Variants in FKBP5 observed in about 807,000 individuals in gnomAD.
FKBP5 encodes peptidyl-prolyl cis-trans isomerase FKBP5.
In FKBP5, 23 loss-of-function variants were observed where a neutral mutation model predicts 50.5. The ratio of observed to expected loss-of-function variants is 0.46; its 90% CI spans 0.33 to 0.65. FKBP5 has a LOEUF of 0.65. FKBP5 is among the 30% of genes least tolerant of loss of function. FKBP5 has a pLI of 0.02. For synonymous variants in FKBP5, 176 were observed against 190.6 expected (o/e 0.92, Z 0.63); for missense variants, 411 against 553.1 (o/e 0.74, Z 2.58).
chr6:35,718,937 T>G (rs965633221), intron 2 of FKBP5, among the ~76,000 whole-genome samples: 1 of 152,214 alleles, frequency 6.6e-6, no homozygotes, highest in Non-Finnish European at 1.5e-5. Context: ...CTTGCAGCCT[T>G]GGCCTTGCTG....
At chr6:35,691,580 T>A (rs1379298913), upstream of FKBP5, among the ~76,000 whole-genome samples, 1 of 151,932 alleles carries the variant, frequency 6.6e-6, no homozygotes, top group African/African-American at 2.4e-5. Flanking sequence ...ACACGGTTCT[T>A]TTTTTTTCTA....
At chr6:35,623,736 A>G (rs965268030) in intron 3 of FKBP5, among the ~76,000 whole-genome samples, 1 of 150,374 alleles carries the variant, frequency 6.7e-6, no homozygotes, top group Admixed American at 6.6e-5. Context: ...CATTGGGCTA[A>G]TTTTCTTTTC....
intron 1 of FKBP5, among the ~76,000 whole-genome samples, chr6:35,672,100 C>T (rs773076263): frequency 1.8e-4 from 28 of 152,154 alleles, no homozygotes; most frequent in Non-Finnish European, 3.2e-4. Flanking sequence ...GATCTCCTGA[C>T]CTCATGATCC....
chr6:35,683,817 C>T (rs1431773560), intron 1 of FKBP5, among the ~76,000 whole-genome samples: 10 of 151,600 alleles, frequency 6.6e-5, no homozygotes, highest in East Asian at 1.9e-4. Context: ...TTTGGGAGGT[C>T]GAGGCAGGCG....
At chr6:35,591,098 C>T (rs1762807570) in intron 7 of FKBP5, 32 bp downstream of exon 7, 2 of 1,416,142 alleles carry the variant, frequency 1.4e-6, no homozygotes, top group African/African-American at 1.4e-5. Context: ...AAGAAACCTA[C>T]CATAATTTTA....
chr6:35,637,799 T>C (rs1159201830), intron 2 of FKBP5, among the ~76,000 whole-genome samples: 1 of 152,174 alleles, frequency 6.6e-6, no homozygotes, highest in Non-Finnish European at 1.5e-5. Flanking sequence ...CTAGTCCATA[T>C]ACACACGGAC....
chr6:35,648,765 A>G (rs745526670), intron 1 of FKBP5, among the ~76,000 whole-genome samples: 3 of 152,088 alleles, frequency 2.0e-5, no homozygotes, highest in Non-Finnish European at 2.9e-5. Flanking sequence ...CCTGGCTAAT[A>G]TGGAAAAACC....
intron 8 of FKBP5, chr6:35,581,299 T>C (rs539217881): frequency 1.8e-4 from 76 of 426,380 alleles, no homozygotes; most frequent in African/African-American, 1.1e-3. Flanking sequence ...TATATATATA[T>C]ACATGCTCAT....
chr6:35,682,166 C>G (rs1321993300), intron 1 of FKBP5, among the ~76,000 whole-genome samples: 1 of 151,086 alleles, frequency 6.6e-6, no homozygotes, highest in Non-Finnish European at 1.5e-5. Context: ...AATTTTTATG[C>G]TAGCAACAAA....
chr6:35,691,731 A>G, upstream of FKBP5, among the ~76,000 whole-genome samples: 1 of 152,144 alleles, frequency 6.6e-6, no homozygotes, highest in Admixed American at 6.5e-5. Flanking sequence ...CATTTTCCCT[A>G]AACATTACTG....
intron 3 of FKBP5, among the ~76,000 whole-genome samples, chr6:35,633,783 C>T (rs1030017166): frequency 1.3e-5 from 2 of 152,046 alleles, no homozygotes; most frequent in African/African-American, 4.8e-5. Flanking sequence ...AGAATGGAAT[C>T]ACATAAGCTC....
Position 35,577,253 on chromosome 6 carries a change from A to G in FKBP5, c.1027-20T>C. 6.5e-7 allele frequency: 1 copy of G among 1,530,410 alleles called. No individual in the cohort carries two copies. The highest frequency in any genetic ancestry group is 8.8e-7 in the Non-Finnish European group (1 of 1,139,184). The allele number at this position is 1,530,410 out of a possible 1,614,324, so 94.8% of individuals were successfully genotyped here. On this transcript the variant is annotated intron_variant, in intron 9 of 10. Transcript: ENST00000357266. ...AAGGGCCTAGGAATAGATGGTCTAT[A>G]TTTTAGAAAGGACGAATTTTAATAA...
chr6:35,642,725 A>G lies in FKBP5; in HGVS notation c.100T>C (p.Leu34=). The G allele has an allele frequency of 6.2e-7, 1 of 1,613,198 alleles. No homozygotes were observed. The highest frequency in any genetic ancestry group is 1.1e-5 in the South Asian group (1 of 91,024). Residue 34 remains leucine (L), a synonymous_variant, in exon 2 of 11, where the codon TTA becomes CTA. Coordinates refer to ENST00000357266, the MANE Select transcript of FKBP5 (RefSeq NM_004117.4). ...ACTCAGCTTTGTGGCCTCACCTTTA[A>G]TACTCCCCTGTCTTTTTTGGAGGTA... ...DITSKKDRGV[L]KIVKRVGNGE... is the part of the protein sequence containing the mutation.
chr6:35,576,274 C>CA (rs1261092609), intron 10 of FKBP5, among the ~76,000 whole-genome samples: 1 of 152,034 alleles, frequency 6.6e-6, no homozygotes, highest in East Asian at 1.9e-4. Flanking sequence ...TGCCGACCCT[C>CA]AAGATAACAG....
At chr6:35,683,993 G>T (rs1278373293) in intron 1 of FKBP5, among the ~76,000 whole-genome samples, 1 of 152,058 alleles carries the variant, frequency 6.6e-6, no homozygotes, top group East Asian at 1.9e-4. Flanking sequence ...AATGGAGGTT[G>T]CAGTGAGCGG....
intron 2 of FKBP5, among the ~76,000 whole-genome samples, chr6:35,701,454 G>T (rs1438146491): frequency 6.6e-6 from 1 of 151,512 alleles, no homozygotes; most frequent in African/African-American, 2.4e-5. Flanking sequence ...CGTTTTAGCC[G>T]GGATGGTCTC....
chr6:35,688,112 C>G (rs1048769353), intron 1 of FKBP5, among the ~76,000 whole-genome samples: 1 of 152,256 alleles, frequency 6.6e-6, no homozygotes, highest in Non-Finnish European at 1.5e-5. Flanking sequence ...CGGCGCTGCG[C>G]GGACTCCTCC....
At chr6:35,672,428 AAATT>A (rs1765412738) in intron 1 of FKBP5, among the ~76,000 whole-genome samples, 1 of 152,068 alleles carries the variant, frequency 6.6e-6, no homozygotes, top group Non-Finnish European at 1.5e-5. Flanking sequence ...TAATAAAGAA[AAATT>A]AATATTTCAG....
intron 1 of FKBP5, among the ~76,000 whole-genome samples, chr6:35,727,603 G>A (rs1326150528): frequency 2.0e-5 from 3 of 152,214 alleles, no homozygotes; most frequent in Non-Finnish European, 4.4e-5. Flanking sequence ...TCAGGGAAGG[G>A]GGGCTAGGAA....
Sources: allele counts gnomAD v4.1 joint callset (sites outside exome capture counted in the v4.1 genomes callset), GRCh38; gene constraint gnomAD v4.1.1; transcripts MANE v1.5; gene names NCBI Gene and HGNC (gene_info 2026-07-23, HGNC 2026-07-21).